CAMK2D: variants seen among roughly 807,000 people sequenced by gnomAD.
CAMK2D encodes calcium/calmodulin dependent protein kinase II delta, also known as calcium/calmodulin-dependent protein kinase type II subunit delta.
Under a neutral mutation model 84.0 loss-of-function variants are expected in CAMK2D, and 37 were observed. The ratio of observed to expected loss-of-function variants is 0.44; its 90% CI spans 0.34 to 0.58. The LOEUF (loss-of-function observed/expected upper bound fraction) is 0.58, where lower values mean the gene tolerates loss of function less well. Ranked by LOEUF, CAMK2D falls within the 20% of genes least tolerant of loss-of-function variation. The pLI is 0.02. For synonymous variants in CAMK2D, 202 were observed against 212.5 expected (o/e 0.95, Z 0.43); for missense variants, 448 against 652.5 (o/e 0.69, Z 3.41).
rs2099332099 is a variant in CAMK2D at position 113,679,502 on chromosome 4, T to C, written c.161-17730A>G. 4 of 898,908 alleles carry C rather than the reference T, an allele frequency of 4.4e-6. No homozygotes were observed. In the South Asian group the frequency reaches 1.5e-4, roughly 35 times the overall value. The allele number at this position is 898,908 out of a possible 1,614,324, so 55.7% of individuals were successfully genotyped here. A position where few individuals can be genotyped will look rare whatever the true frequency, so the allele number is the denominator to read the frequency against. ...CAGTCTCTGCTTTTTCTGTCCTGAT[T>C]TTAAAAATCAATAATAACATGTAAA... On this transcript the variant is annotated intron_variant, in intron 2 of 20. Coordinates refer to ENST00000511664, the MANE Select transcript of CAMK2D (RefSeq NM_001321571.2).
At chr4:113,675,322 T>C (rs1433330938) in intron 2 of CAMK2D, among the ~76,000 whole-genome samples, 1 of 152,240 alleles carries the variant, frequency 6.6e-6, no homozygotes, top group Non-Finnish European at 1.5e-5. Context: ...GGCATATATA[T>C]AACATATTGC....
chr4:113,526,685 GA>G (rs759402077), intron 8 of CAMK2D, among the ~76,000 whole-genome samples: 4 of 151,882 alleles, frequency 2.6e-5, no homozygotes, highest in Non-Finnish European at 5.9e-5. Flanking sequence ...CTGTATTACA[GA>G]AATGTACTCA....
chr4:113,653,468 ATTAC>A (rs752248047), intron 3 of CAMK2D, among the ~76,000 whole-genome samples: 1 of 152,060 alleles, frequency 6.6e-6, no homozygotes, highest in Non-Finnish European at 1.5e-5. Context: ...AACAAGAAAA[ATTAC>A]TTACTCTTGT....
intron 2 of CAMK2D, among the ~76,000 whole-genome samples, chr4:113,706,316 G>A (rs1483987828): frequency 6.6e-6 from 1 of 152,164 alleles, no homozygotes; most frequent in African/African-American, 2.4e-5. Flanking sequence ...GTGTAACACT[G>A]TAAGAGACAA....
At chr4:113,727,247 T>C (rs1039881846) in intron 2 of CAMK2D, among the ~76,000 whole-genome samples, 1 of 152,140 alleles carries the variant, frequency 6.6e-6, no homozygotes, top group African/African-American at 2.4e-5. Context: ...TAAATTTATA[T>C]AAAAATGAAA....
intron 6 of CAMK2D, among the ~76,000 whole-genome samples, chr4:113,543,843 A>C (rs975493322): frequency 5.9e-5 from 9 of 151,524 alleles, no homozygotes; most frequent in Non-Finnish European, 1.3e-4. Flanking sequence ...CCAGGCTGGA[A>C]TGCAGTGGGG....
intron 6 of CAMK2D, among the ~76,000 whole-genome samples, chr4:113,538,877 A>C (rs2098511158): frequency 6.6e-6 from 1 of 152,198 alleles, no homozygotes; most frequent in African/African-American, 2.4e-5. Context: ...CACTGCCATC[A>C]GATTCATCGC....
intron 2 of CAMK2D, among the ~76,000 whole-genome samples, chr4:113,718,574 A>AGGG (rs2099520660): frequency 6.6e-6 from 1 of 152,184 alleles, no homozygotes. Context: ...CCCAAACCAT[A>AGGG]ATTTCTAATA....
chr4:113,704,662 G>A (rs2099436943), intron 2 of CAMK2D, among the ~76,000 whole-genome samples: 1 of 152,076 alleles, frequency 6.6e-6, no homozygotes, highest in Non-Finnish European at 1.5e-5. Context: ...AACAGTCATA[G>A]AACCTACAGA....
At chr4:113,732,025 T>G (rs1206542738) in intron 2 of CAMK2D, among the ~76,000 whole-genome samples, 2 of 152,012 alleles carry the variant, frequency 1.3e-5, no homozygotes, top group Non-Finnish European at 2.9e-5. Flanking sequence ...TGATGTGAGG[T>G]GGGTCATTTC....
chr4:113,666,811 T>A (rs1188389687), intron 2 of CAMK2D, among the ~76,000 whole-genome samples: 1 of 152,122 alleles, frequency 6.6e-6, no homozygotes, highest in African/African-American at 2.4e-5. Flanking sequence ...TATCACTAAT[T>A]TTTACCTTGC....
intron 3 of CAMK2D, among the ~76,000 whole-genome samples, chr4:113,657,622 T>C (rs567156007): frequency 6.6e-6 from 1 of 152,264 alleles, no homozygotes; most frequent in African/African-American, 2.4e-5. Flanking sequence ...AATTTTCCAC[T>C]AACAGTATTA....
At chr4:113,640,124 C>A (rs1329941567) in intron 3 of CAMK2D, among the ~76,000 whole-genome samples, 10 of 151,784 alleles carry the variant, frequency 6.6e-5, no homozygotes. Flanking sequence ...AGCAGAGAAG[C>A]AGGTCTGGGT....
rs2098990086 is a variant in CAMK2D, at chr4:113,609,283, A to C, written c.221-77T>G. On this transcript the variant is annotated intron_variant, in intron 3 of 20. Transcript: ENST00000511664. ...ACGTTAAACCCCACTTCACATGGAC[A>C]TATGTCTCCTAGCTAGAAATGTTGG... 17 of 779,972 alleles carry C rather than the reference A, an allele frequency of 2.2e-5. No homozygotes were observed. The South Asian group carries it at 2.4e-4, about 11-fold the overall frequency. 48.3% of individuals were successfully genotyped at this position (779,972 alleles called of 1,614,324 possible).
At chr4:113,558,192 C>A (rs2098678308) in intron 4 of CAMK2D, among the ~76,000 whole-genome samples, 1 of 152,180 alleles carries the variant, frequency 6.6e-6, no homozygotes, top group Admixed American at 6.5e-5. Context: ...ACCACATATA[C>A]AAAAGTTCAG....
intron 2 of CAMK2D, among the ~76,000 whole-genome samples, chr4:113,681,240 T>G (rs1171332490): frequency 6.6e-6 from 1 of 152,230 alleles, no homozygotes; most frequent in African/African-American, 2.4e-5. Context: ...TCTTGAATTG[T>G]AGTTCCCATA....
At chr4:113,754,048 TAA>T (rs1376645590) in intron 2 of CAMK2D, 2 of 893,746 alleles carry the variant, frequency 2.2e-6, no homozygotes, top group Non-Finnish European at 2.7e-6. Flanking sequence ...AATAAACACA[TAA>T]AGACATGTGA....
chr4:113,642,946 A>G (rs545225281), intron 3 of CAMK2D, among the ~76,000 whole-genome samples: 1 of 152,284 alleles, frequency 6.6e-6, no homozygotes, highest in South Asian at 2.1e-4. Flanking sequence ...GACCATGCTA[A>G]ACTATATCTA....
chr4:113,458,636 TATG>T (rs2097333805), intron 18 of CAMK2D, among the ~76,000 whole-genome samples: 1 of 152,212 alleles, frequency 6.6e-6, no homozygotes, highest in Non-Finnish European at 1.5e-5. Context: ...ATATAGGGAA[TATG>T]ATAACATTTA....
Sources: gnomAD v4.1 joint callset for allele counts (sites outside exome capture counted in the v4.1 genomes callset) on GRCh38, gnomAD v4.1.1 for gene constraint, MANE v1.5 for transcripts, NCBI Gene and HGNC (gene_info 2026-07-23, HGNC 2026-07-21) for gene names.